LYST: variants seen among roughly 807,000 people sequenced by gnomAD.
LYST encodes the protein lysosomal trafficking regulator.
Under a neutral mutation model 413.6 loss-of-function variants are expected in LYST, and 192 were observed. That is an observed-to-expected ratio of 0.46 (90% CI 0.41 to 0.52). The LOEUF is 0.52. Ranked by LOEUF, LYST falls within the 20% of genes least tolerant of loss-of-function variation. The probability of loss-of-function intolerance (pLI) is 0.00; values close to 1 mark genes in which losing one functional copy is unlikely to be tolerated. For synonymous variants in LYST, 1,525 were observed against 1,567.3 expected (o/e 0.97, Z 0.64); for missense variants, 3,815 against 4,499.9 (o/e 0.85, Z 4.35).
chr1:235,874,789 CT>C (rs1270790371), intron 1 of LYST, among the ~76,000 whole-genome samples: 3 of 152,122 alleles, frequency 2.0e-5, no homozygotes, highest in African/African-American at 7.2e-5. Flanking sequence ...TGATTGGTCC[CT>C]GAAAGGGTTT....
chr1:235,813,126 T>G, intron 3 of LYST, 65 bp from the exon 4 acceptor site: 14 of 972,838 alleles, frequency 1.4e-5, no homozygotes, highest in Non-Finnish European at 2.0e-5. Context: ...TCCTAATGTC[T>G]TGTCTTAAAC....
At chr1:235,835,869 T>C (rs901074228) in intron 1 of LYST, among the ~76,000 whole-genome samples, 2 of 152,232 alleles carry the variant, frequency 1.3e-5, no homozygotes, top group African/African-American at 2.4e-5. Context: ...CCTGTCTTAT[T>C]ACTTTTTACC....
chr1:235,852,284 A>G (rs924322582), intron 1 of LYST, among the ~76,000 whole-genome samples: 1 of 152,218 alleles, frequency 6.6e-6, no homozygotes, highest in Non-Finnish European at 1.5e-5. Context: ...TTGAATTGCT[A>G]GCAATATGTT....
intron 46 of LYST, 52 bp from the exon 47 acceptor site, chr1:235,693,538 C>T (rs1030514503): frequency 3.1e-6 from 5 of 1,609,878 alleles, no homozygotes; most frequent in Middle Eastern, 3.4e-4. Flanking sequence ...TCGACTGTTA[C>T]ATGACAGCCC....
chr1:235,730,514 T>C (rs886844223), intron 36 of LYST, among the ~76,000 whole-genome samples: 31 of 151,958 alleles, frequency 2.0e-4, no homozygotes, highest in African/African-American at 7.2e-4. Context: ...TGTATACATA[T>C]ATATGGGTAT....
chr1:235,731,073 A>T lies in LYST; in HGVS notation c.8906T>A (p.Ile2969Asn), dbSNP rs745759850. The change falls in exon 35 of 53, where the codon ATT becomes AAT. Residue 2969 changes from isoleucine to asparagine, a missense_variant. Transcript: ENST00000389793. ...RRRLQRCYLT[I>N]PNKYLLRDRQ... The stretch of plus-strand genomic sequence containing the variant: ...ATCCCTAAGGAGATACTTATTTGGA[A>T]TAGTTAAATAACATCTCTGTAAACG... The T allele has an allele frequency of 6.2e-7, 1 of 1,613,754 alleles. No individual in the cohort carries two copies. Among genetic ancestry groups the T allele is most frequent in the Non-Finnish European group, 8.5e-7 (1 of 1,179,652 alleles).
intron 1 of LYST, among the ~76,000 whole-genome samples, chr1:235,851,743 C>T (rs1429473466): frequency 3.3e-5 from 5 of 152,010 alleles, no homozygotes; most frequent in African/African-American, 1.2e-4. Flanking sequence ...ATCTGGTACT[C>T]ACTAAATAGG....
rs1191325772 is a variant in LYST at position 235,770,187 on chromosome 1, G to A, written c.5895C>T (p.His1965=). The change falls in exon 20 of 53, where the codon CAC becomes CAT. Residue 1965 remains histidine, a synonymous_variant. Transcript: ENST00000389793. ...GCAAAACCTGACAAGTCAGTAGAAAGTGATGAACCACTTGAGCTTTCAATA... is the reference window on the plus strand; with the variant it reads ...GCAAAACCTGACAAGTCAGTAGAAAATGATGAACCACTTGAGCTTTCAATA... The part of the protein sequence containing the change: ...KQLLKAQVVH[H]FLLTCQVLQE... 6.2e-7 allele frequency: 1 copy of A among 1,613,640 alleles called. No homozygotes were observed. The highest frequency in any genetic ancestry group is 1.7e-5 in the Admixed American group (1 of 59,974).
rs190200108 is a variant in LYST at position 235,691,139 on chromosome 1, C to T, written c.10701+2211G>A. On this transcript the variant is annotated intron_variant, in intron 47 of 52. Transcript: ENST00000389793. The stretch of plus-strand genomic sequence containing the variant: ...TTCACTGTGTTAGCCAGGATGGTCT[C>T]GATCTCCTGACCTTGTGATCCGCCC... Among the ~76,000 whole-genome samples, 56 of 151,738 alleles carry T rather than the reference C, an allele frequency of 3.7e-4. 1 individual carries two copies. The highest frequency in any genetic ancestry group is 9.9e-4 in the African/African-American group (41 of 41,296).
At chr1:235,721,064 C>A (rs936282539) in intron 39 of LYST, among the ~76,000 whole-genome samples, 159 bp from the exon 40 acceptor site, 6 of 152,082 alleles carry the variant, frequency 3.9e-5, no homozygotes, top group Admixed American at 3.9e-4. Context: ...AACTGAGATT[C>A]AAGTCCAGGT....
At chr1:235,775,956 A>T (rs564705545) in intron 17 of LYST, among the ~76,000 whole-genome samples, 259 of 152,302 alleles carry the variant, frequency 1.7e-3, no homozygotes, top group Non-Finnish European at 3.0e-3. Flanking sequence ...ACATACTTTA[A>T]AAGTCTTATT....
At chr1:235,827,198 T>C (rs1222965482) in intron 3 of LYST, among the ~76,000 whole-genome samples, 2 of 152,052 alleles carry the variant, frequency 1.3e-5, no homozygotes, top group African/African-American at 4.8e-5. Flanking sequence ...ACCCTGTTTC[T>C]ACTAAAAATA....
intron 48 of LYST, among the ~76,000 whole-genome samples, chr1:235,682,876 T>G (rs1389561141): frequency 1.3e-5 from 2 of 152,224 alleles, no homozygotes; most frequent in African/African-American, 4.8e-5. Context: ...GAGTACAGAT[T>G]AGTGAGTTAC....
At chr1:235,690,294 T>G (rs1660547877) in intron 47 of LYST, among the ~76,000 whole-genome samples, 1 of 152,302 alleles carries the variant, frequency 6.6e-6, no homozygotes, top group South Asian at 2.1e-4. Context: ...TATTTGTCTG[T>G]TTTTCCCAAT....
rs577675111 is a variant in LYST at position 235,863,460 on chromosome 1, TA to T, written c.-98+3382del. Reference sequence around the variant, plus strand: ...AGAGAAACCAGAGAATGACTCTGTCTAAAAAAAAAAAAAATGTTGAACTTAA... The same window carrying T: ...AGAGAAACCAGAGAATGACTCTGTCTAAAAAAAAAAAAATGTTGAACTTAA... On this transcript the variant is annotated intron_variant, in intron 1 of 52. Transcript: ENST00000389793. Among the ~76,000 whole-genome samples, 964 of 134,694 alleles carry T rather than the reference TA, an allele frequency of 7.2e-3. 4 individuals are homozygous for T. Among genetic ancestry groups the T allele is most frequent in the Middle Eastern group, 0.023 (6 of 266 alleles). The allele number at this position is 134,694 out of a possible 152,430, so 88.4% of individuals were successfully genotyped here.
rs1659229324 is a variant in LYST, at chr1:235,674,664, C to G, written c.11038+2427G>C. On this transcript the variant is annotated intron_variant, in intron 50 of 52. Transcript: ENST00000389793. This position sits in a 1 kb window ranked among gnomAD's most constrained non-coding sequence, Gnocchi z 4.1. ...AGCTGAACAATTAGGTCCTACCAGT[C>G]AGATGGCTTAGGAAAATAGAATAGC... Among the ~76,000 whole-genome samples the G allele has an allele frequency of 6.6e-6, 1 of 152,160 alleles. No homozygotes were observed. Among genetic ancestry groups the G allele is most frequent in the Admixed American group, 6.5e-5 (1 of 15,272 alleles).
intron 43 of LYST, among the ~76,000 whole-genome samples, chr1:235,709,885 T>TA (rs1662274232): frequency 7.1e-6 from 1 of 140,338 alleles, no homozygotes; most frequent in Admixed American, 6.8e-5. Context: ...AGCATTCCTG[T>TA]AGATAGCAAA....
chr1:235,759,960 A>C (rs1452723644), intron 22 of LYST, among the ~76,000 whole-genome samples: 1 of 152,144 alleles, frequency 6.6e-6, no homozygotes, highest in Non-Finnish European at 1.5e-5. Flanking sequence ...TATTTTAACC[A>C]CTTTTTATTA....
At chr1:235,841,217 A>G (rs1232301896) in intron 1 of LYST, among the ~76,000 whole-genome samples, 1 of 152,240 alleles carries the variant, frequency 6.6e-6, no homozygotes, top group East Asian at 1.9e-4. Context: ...ACCAGACCGA[A>G]TAAGGAAATA....
Sources: gnomAD v4.1 joint callset for allele counts (sites outside exome capture counted in the v4.1 genomes callset) on GRCh38, gnomAD v4.1.1 for gene constraint, Gnocchi (gnomAD v3.1) non-coding constraint, MANE v1.5 for transcripts, NCBI Gene and HGNC (gene_info 2026-07-23, HGNC 2026-07-21) for gene names.